ZNF638: variants seen among roughly 807,000 people sequenced by gnomAD.
ZNF638 encodes the protein zinc finger protein 638.
Under a neutral mutation model 195.6 loss-of-function variants are expected in ZNF638, and 46 were observed. The ratio of observed to expected loss-of-function variants is 0.24; its 90% confidence interval spans 0.19 to 0.30. ZNF638 has a LOEUF of 0.30. Ranked by LOEUF, ZNF638 falls within the 10% of genes least tolerant of loss-of-function variation. ZNF638 has a pLI of 1.00. For missense variants in ZNF638, 2,440 were observed against 2,325.3 expected, an observed-to-expected ratio of 1.05 and a Z score of -1.01; for synonymous variants, 845 against 772.0, an observed-to-expected ratio of 1.09 and a Z score of -1.57.
At chr2:71,347,032 G>GAA (rs1043938079) in intron 1 of ZNF638, among the ~76,000 whole-genome samples, 9 of 144,590 alleles carry the variant, frequency 6.2e-5, no homozygotes, top group African/African-American at 2.0e-4. Flanking sequence ...TTTAAAAAAA[G>GAA]AAAAAAAAAA....
intron 3 of ZNF638, among the ~76,000 whole-genome samples, chr2:71,358,649 C>T (rs1239139445): frequency 6.6e-6 from 1 of 152,148 alleles, no homozygotes; most frequent in African/African-American, 2.4e-5. Context: ...CAGGCTGTGT[C>T]TCCTAACCAG....
chr2:71,339,180 G>T (rs1573014488), intron 1 of ZNF638, among the ~76,000 whole-genome samples: 1 of 145,338 alleles, frequency 6.9e-6, no homozygotes, highest in East Asian at 2.0e-4. Flanking sequence ...TTGAGACGGA[G>T]TCTCACTTGC....
At chr2:71,411,463 T>G (rs891330537) in intron 20 of ZNF638, among the ~76,000 whole-genome samples, 5 of 111,852 alleles carry the variant, frequency 4.5e-5, no homozygotes, top group African/African-American at 1.5e-4. Context: ...ATTTTTTATT[T>G]TTTATTTTTA....
chr2:71,371,534 G>C (rs1389284588), intron 8 of ZNF638, among the ~76,000 whole-genome samples: 2 of 152,122 alleles, frequency 1.3e-5, no homozygotes, highest in African/African-American at 4.8e-5. Flanking sequence ...TTGGATAAAA[G>C]CCATTTTAAC....
chr2:71,388,665 A>C, intron 10 of ZNF638: 2 of 982,690 alleles, frequency 2.0e-6, no homozygotes, highest in African/African-American at 1.6e-5. Context: ...CTCGTGAGGA[A>C]CACTGCAAGG....
At chr2:71,372,924 A>G (rs2079341005) in intron 8 of ZNF638, among the ~76,000 whole-genome samples, 1 of 152,098 alleles carries the variant, frequency 6.6e-6, no homozygotes, top group African/African-American at 2.4e-5. Context: ...TTCCTTACTG[A>G]TTGATATTTA....
intron 16 of ZNF638, among the ~76,000 whole-genome samples, 181 bp downstream of exon 16, chr2:71,402,268 A>T (rs1043853352): frequency 1.3e-5 from 2 of 152,206 alleles, no homozygotes; most frequent in Non-Finnish European, 2.9e-5. Context: ...GTAACGAGAC[A>T]TAGTTTTAAT....
chr2:71,434,017 A>G (rs1424533169), intron 27 of ZNF638, among the ~76,000 whole-genome samples: 3 of 152,184 alleles, frequency 2.0e-5, no homozygotes, highest in East Asian at 1.9e-4. Flanking sequence ...GCTCTTATAC[A>G]TTGTGCTTTG....
chr2:71,377,187 C>T (rs542797277), intron 8 of ZNF638, among the ~76,000 whole-genome samples: 49 of 152,090 alleles, frequency 3.2e-4, no homozygotes, highest in African/African-American at 1.2e-3. Flanking sequence ...ATCGCTTGAG[C>T]CTGGGAGGCG....
chr2:71,418,295 T>A (rs1382980507), intron 20 of ZNF638: 1 of 215,816 alleles, frequency 4.6e-6, no homozygotes, highest in South Asian at 1.8e-4. Context: ...TATTTCACAT[T>A]TATTGTTTAG....
At chr2:71,334,426 A>G (rs1028796883) in intron 1 of ZNF638, 1 of 152,156 alleles carries the variant, frequency 6.6e-6, no homozygotes, top group Non-Finnish European at 1.5e-5. Context: ...GAAAGTAATT[A>G]TGTTTGTGGC....
At chr2:71,421,325 T>C (rs78109077) in intron 21 of ZNF638, among the ~76,000 whole-genome samples, 6,350 of 151,646 alleles carry the variant, frequency 0.042, 228 homozygotes, top group African/African-American at 0.097. Context: ...ACTCTTAAAA[T>C]TAGCCATTTA....
At chr2:71,375,064 G>T (rs2079396070) in intron 8 of ZNF638, 2 of 152,120 alleles carry the variant, frequency 1.3e-5, no homozygotes, top group Admixed American at 6.6e-5. Context: ...ATAGCTATTA[G>T]AGAGGATCTT....
intron 3 of ZNF638, among the ~76,000 whole-genome samples, chr2:71,358,642 G>C (rs1047433964): frequency 2.0e-5 from 3 of 152,112 alleles, no homozygotes; most frequent in African/African-American, 7.2e-5. Context: ...AATTCTCCAG[G>C]CTGTGTCTCC....
chr2:71,410,709 G>A (rs1406922912), intron 20 of ZNF638, among the ~76,000 whole-genome samples: 1 of 152,098 alleles, frequency 6.6e-6, no homozygotes, highest in Non-Finnish European at 1.5e-5. Flanking sequence ...ATTAATGTGG[G>A]GAATGTGTAT....
chr2:71,355,648 T>A, intron 2 of ZNF638, 71 bp from the exon 3 acceptor site: 1 of 1,053,838 alleles, frequency 9.5e-7, no homozygotes, highest in South Asian at 1.5e-5. Flanking sequence ...TATTTGTCTT[T>A]TTTAAAAGCC....
intron 10 of ZNF638, 113 bp from the exon 11 acceptor site, chr2:71,396,028 A>C: frequency 1.1e-6 from 1 of 880,024 alleles, no homozygotes; most frequent in Non-Finnish European, 1.9e-6. Flanking sequence ...AAAGATGAGT[A>C]TAGGGCTGTT....
At chr2:71,365,399 A>G (rs746019852) in intron 5 of ZNF638, 30 bp from the exon 6 acceptor site, 35 of 1,513,944 alleles carry the variant, frequency 2.3e-5, no homozygotes, top group East Asian at 7.4e-5. Flanking sequence ...TTTTTTTCCA[A>G]TTGAAATTAT....
At chr2:71,388,279 A>G (rs747350441) in intron 10 of ZNF638, 28 of 383,816 alleles carry the variant, frequency 7.3e-5, no homozygotes, top group Non-Finnish European at 1.2e-4. Context: ...ATTTATCTAG[A>G]TAAGTTTATT....
Sources: allele counts gnomAD v4.1 joint callset (sites outside exome capture counted in the v4.1 genomes callset), GRCh38; gene constraint gnomAD v4.1.1; transcripts MANE v1.5; gene names NCBI Gene and HGNC (gene_info 2026-07-23, HGNC 2026-07-21).